The following RMDN2 variants were observed in gnomAD, a reference collection of about 807,000 sequenced individuals.
RMDN2 encodes the protein regulator of microtubule dynamics 2.
RMDN2 carries 61 observed loss-of-function variants against 52.8 expected under a neutral mutation model. The ratio of observed to expected loss-of-function variants is 1.16; its 90% confidence interval spans 0.94 to 1.43. The LOEUF (loss-of-function observed/expected upper bound fraction) is 1.43. Among genes scored for constraint, RMDN2 ranks in the 40% most tolerant of loss-of-function variants. RMDN2 has a pLI of 0.00. For missense variants in RMDN2, 592 were observed against 475.3 expected, an observed-to-expected ratio of 1.25 and a Z score of -2.28; for synonymous variants, 180 against 153.1, an observed-to-expected ratio of 1.18 and a Z score of -1.30.
At chr2:37,945,188 C>G (rs1039948453) in intron 2 of RMDN2, among the ~76,000 whole-genome samples, 1 of 152,174 alleles carries the variant, frequency 6.6e-6, no homozygotes, top group Non-Finnish European at 1.5e-5. Flanking sequence ...TTGTTATTTT[C>G]CTAATCAGTG....
At chr2:37,976,843 T>A (rs1672532051) in intron 4 of RMDN2, among the ~76,000 whole-genome samples, 1 of 152,168 alleles carries the variant, frequency 6.6e-6, no homozygotes, top group Non-Finnish European at 1.5e-5. Flanking sequence ...TTTTTCTTTT[T>A]TTTTTTAAAT....
chr2:38,016,351 C>T (rs1009767671), intron 10 of RMDN2, among the ~76,000 whole-genome samples: 17 of 152,218 alleles, frequency 1.1e-4, no homozygotes, highest in Non-Finnish European at 1.8e-4. Context: ...CATGTGTTAG[C>T]TCCCACTGGA....
At chr2:37,987,597 AC>A (rs1197363849) in intron 5 of RMDN2, among the ~76,000 whole-genome samples, 1 of 152,204 alleles carries the variant, frequency 6.6e-6, no homozygotes. Context: ...CTTTTATGTA[AC>A]ACATTACAAC....
chr2:38,020,514 G>A (rs922630269), downstream of RMDN2, among the ~76,000 whole-genome samples: 1 of 152,244 alleles, frequency 6.6e-6, no homozygotes, highest in Non-Finnish European at 1.5e-5. Context: ...GGTGTGCAGG[G>A]AGAGGGTGAG....
At position 37,991,282 on chromosome 2, in the gene RMDN2, G is replaced by C; in HGVS notation, c.930G>C (p.Gly310=). The change falls in exon 7 of 11, where the codon GGG becomes GGC. Residue 310 remains glycine, a synonymous_variant. Coordinates refer to ENST00000354545, the MANE Select transcript of RMDN2 (RefSeq NM_001170791.3). ...PEEPFLYYLK[G]RYCYTVSKLS... ...AACCCTTTCTATATTACCTCAAAGG[G>C]AGATACTGCTATACTGTAAGTTGAA... The C allele has an allele frequency of 6.4e-7, 1 of 1,564,656 alleles. No individual in the cohort carries two copies. Among genetic ancestry groups the C allele is most frequent in the Non-Finnish European group, 8.7e-7 (1 of 1,144,346 alleles).
chr2:37,948,027 C>G (rs1345827228), intron 2 of RMDN2, among the ~76,000 whole-genome samples: 1 of 152,162 alleles, frequency 6.6e-6, no homozygotes, highest in Non-Finnish European at 1.5e-5. Context: ...TGAGGTACCT[C>G]AGAAGACGCT....
chr2:37,939,570 T>C (rs1031959314), intron 2 of RMDN2, among the ~76,000 whole-genome samples: 6 of 152,202 alleles, frequency 3.9e-5, no homozygotes, highest in African/African-American at 1.4e-4. Flanking sequence ...TGAATCTGGG[T>C]GCTCTTGTAT....
intron 1 of RMDN2, among the ~76,000 whole-genome samples, chr2:37,925,944 G>A (rs535998048): frequency 2.0e-5 from 3 of 152,172 alleles, no homozygotes; most frequent in Admixed American, 1.3e-4. Context: ...ACACTTGGGA[G>A]CCCTAAATTT....
upstream of RMDN2, among the ~76,000 whole-genome samples, chr2:37,922,866 G>A (rs149262158): frequency 3.6e-3 from 547 of 152,330 alleles, 6 homozygotes; most frequent in African/African-American, 0.012. Flanking sequence ...GGATAAAAAG[G>A]ATACAGCTTG....
chr2:38,013,562 A>T, intron 10 of RMDN2, among the ~76,000 whole-genome samples: 1 of 152,232 alleles, frequency 6.6e-6, no homozygotes, highest in East Asian at 1.9e-4. Context: ...AACCTGTTTT[A>T]TGAGTTGAGA....
In RMDN2 at chr2:37,997,430, C is replaced by G. The variant is rs779349930; in HGVS notation, c.960C>G (p.Ser320Arg). Residue 320 changes from serine (S) to arginine (R), a missense_variant, in exon 8 of 11, where the codon AGC (serine) becomes AGG (arginine). Transcript: ENST00000354545. ...TGTATTTGCAGGTCTCAAAACTGAG[C>G]TGGATTGAGAAAAAAATGGCTGCTA... ...GRYCYTVSKL[S>R]WIEKKMAATL... is the part of the protein sequence containing the mutation. 7.1e-5 allele frequency: 115 copies of G among 1,612,656 alleles called. 1 individual carries two copies. In the South Asian group the frequency reaches 1.2e-3, roughly 16 times the overall value.
chr2:37,952,358 T>G, intron 2 of RMDN2: 1 of 643,256 alleles, frequency 1.6e-6, no homozygotes, highest in Non-Finnish European at 2.6e-6. Flanking sequence ...AGTGTAAATT[T>G]AATTGCTGTA....
At position 37,989,579 on chromosome 2, in the gene RMDN2, G is replaced by A. The variant is rs771759405; in HGVS notation, c.830G>A (p.Gly277Asp). 27 of 1,608,538 alleles carry A rather than the reference G, an allele frequency of 1.7e-5. No individual in the cohort carries two copies. The highest frequency in any genetic ancestry group is 2.3e-5 in the Non-Finnish European group (27 of 1,178,182). ...VLCGYVSEFE[G>D]LQNKINYGHL... is the part of the protein sequence containing the mutation. ...TGTGGCTATGTATCTGAGTTTGAGG[G>A]TTTACAAAACAAAATCAACTATGGG... The change falls in exon 6 of 11, where the codon GGT becomes GAT. Residue 277 changes from glycine to aspartate, a missense_variant. Transcript: ENST00000354545.
At chr2:38,004,450 A>G (rs980838673) in intron 10 of RMDN2, among the ~76,000 whole-genome samples, 4 of 152,234 alleles carry the variant, frequency 2.6e-5, no homozygotes, top group African/African-American at 9.6e-5. Flanking sequence ...TAACACATTC[A>G]TCGCCTCACA....
At chr2:37,990,603 ATC>A (rs111595628) in intron 6 of RMDN2, among the ~76,000 whole-genome samples, 19,511 of 151,044 alleles carry the variant, frequency 0.13, 1,934 homozygotes, top group African/African-American at 0.28. Context: ...GTAGTTAACA[ATC>A]TCTGCATATT....
chr2:38,055,405 C>A (rs948681608), intron 10 of RMDN2, among the ~76,000 whole-genome samples: 2 of 152,156 alleles, frequency 1.3e-5, no homozygotes, highest in African/African-American at 2.4e-5. Context: ...GCTGACCCAT[C>A]TGTTAAAATG....
Position 37,975,239 on chromosome 2 carries a change from C to A in RMDN2, c.655C>A (p.Arg219=). 1.2e-6 allele frequency: 2 copies of A among 1,607,962 alleles called. No individual in the cohort carries two copies. The highest frequency in any genetic ancestry group is 1.7e-6 in the Non-Finnish European group (2 of 1,174,796). ...TAGAGATGAAATAGAGTTTATGTGGCGATTTGCTCGTGCTTATGGAGACAT... is the reference window on the plus strand; with the variant it reads ...TAGAGATGAAATAGAGTTTATGTGGAGATTTGCTCGTGCTTATGGAGACAT... The part of the protein sequence containing the change: ...KFRDEIEFMW[R]FARAYGDMYE... Residue 219 remains arginine, a synonymous_variant, in exon 4 of 11, where the codon CGA becomes AGA. Coordinates refer to ENST00000354545, the MANE Select transcript of RMDN2 (RefSeq NM_001170791.3).
chr2:38,033,788 A>G (rs1680385287), intron 10 of RMDN2, among the ~76,000 whole-genome samples: 1 of 152,238 alleles, frequency 6.6e-6, no homozygotes, highest in South Asian at 2.1e-4. Flanking sequence ...CAAACTTTCC[A>G]TGTCCAGGAA....
At chr2:37,971,649 A>G (rs1361438186) in intron 2 of RMDN2, among the ~76,000 whole-genome samples, 1 of 152,116 alleles carries the variant, frequency 6.6e-6, no homozygotes, top group Non-Finnish European at 1.5e-5. Flanking sequence ...CAACTCTCCC[A>G]TGTACCACAT....
Sources: allele counts gnomAD v4.1 joint callset (sites outside exome capture counted in the v4.1 genomes callset), GRCh38; gene constraint gnomAD v4.1.1; transcripts MANE v1.5; gene names NCBI Gene and HGNC (gene_info 2026-07-23, HGNC 2026-07-21).